MYO7B: variants seen among roughly 807,000 people sequenced by gnomAD.
MYO7B encodes unconventional myosin-VIIb.
MYO7B carries 212 observed loss-of-function variants against 259.7 expected under a neutral mutation model. The observed-to-expected ratio is 0.82, with a 90% CI of 0.73 to 0.91. The LOEUF (loss-of-function observed/expected upper bound fraction) is 0.91. MYO7B is among the 40% of genes least tolerant of loss of function. The pLI, the probability that MYO7B is intolerant of heterozygous loss-of-function variation, is 0.00. For missense variants in MYO7B, 2,732 were observed against 2,813.5 expected, an observed-to-expected ratio of 0.97 and a Z score of 0.66; for synonymous variants, 1,197 against 1,166.4, an observed-to-expected ratio of 1.03 and a Z score of -0.54.
chr2:127,620,129 A>G, intron 26 of MYO7B: 1 of 432,708 alleles, frequency 2.3e-6, no homozygotes, highest in South Asian at 6.3e-5. Flanking sequence ...AAGGACCGAG[A>G]GCACAGGCCA....
chr2:127,572,343 C>G (rs1678672368), intron 6 of MYO7B, among the ~76,000 whole-genome samples: 1 of 147,842 alleles, frequency 6.8e-6, no homozygotes, highest in Admixed American at 6.9e-5. Context: ...CGCTTGAACG[C>G]AGGAGGCAAA....
chr2:127,566,363 T>C lies in MYO7B; in HGVS notation c.286-280T>C, dbSNP rs56005306. Among the ~76,000 whole-genome samples, 780 of 152,328 alleles carry C rather than the reference T, an allele frequency of 5.1e-3. 9 individuals carry two copies. Among genetic ancestry groups the C allele is most frequent in the African/African-American group, 0.018 (738 of 41,560 alleles). Reference sequence around the variant, plus strand: ...CTTAGTCCATTTTTATCGAGCCCCTTCTAAATACCAGGCAGGGTACAAAAC... The same window carrying C: ...CTTAGTCCATTTTTATCGAGCCCCTCCTAAATACCAGGCAGGGTACAAAAC... On this transcript the variant is annotated intron_variant, in intron 4 of 47. Coordinates refer to ENST00000409816, the MANE Select transcript of MYO7B (RefSeq NM_001393586.1).
At chr2:127,634,466 A>G in intron 41 of MYO7B, 130 bp from the exon 42 acceptor site, 7 of 909,314 alleles carry the variant, frequency 7.7e-6, no homozygotes, top group Non-Finnish European at 1.2e-5. Flanking sequence ...CCACACGCCA[A>G]TAGCCCACGC....
Position 127,585,835 on chromosome 2 carries a change from C to T in MYO7B, c.1690+922C>T, listed in dbSNP as rs1161946681. Among the ~76,000 whole-genome samples, 1 of 152,182 alleles carries T rather than the reference C, an allele frequency of 6.6e-6. No individual in the cohort carries two copies. The highest frequency in any genetic ancestry group is 2.4e-5 in the African/African-American group (1 of 41,420). On this transcript the variant is annotated intron_variant, in intron 14 of 47. Coordinates refer to ENST00000409816, the MANE Select transcript of MYO7B (RefSeq NM_001393586.1). The surrounding 1 kb of genome is among the most constrained non-coding windows in gnomAD (Gnocchi z 4.3). ...TCCCCCGATGGCTAATGATGTTGAT[C>T]GCCTTTTCATATGCTTCTTGGCCAT...
intron 19 of MYO7B, among the ~76,000 whole-genome samples, chr2:127,605,563 C>T (rs1312188887): frequency 6.6e-6 from 1 of 152,178 alleles, no homozygotes; most frequent in Non-Finnish European, 1.5e-5. Context: ...TGCCATTGCA[C>T]TCCAGCCTGA....
rs867176618 is a variant in MYO7B, at chr2:127,585,771, C to T, written c.1690+858C>T. On this transcript the variant is annotated intron_variant, in intron 14 of 47. Coordinates refer to ENST00000409816, the MANE Select transcript of MYO7B (RefSeq NM_001393586.1). The surrounding 1 kb of genome is among the most constrained non-coding windows in gnomAD (Gnocchi z 4.3). ...TGTCTGTCTTTGTTATTATAGCTAC[C>T]CTAGTGGGTTTGAAGTCTCAATGTG... Among the ~76,000 whole-genome samples, 4 of 152,282 alleles carry T rather than the reference C, an allele frequency of 2.6e-5. No individual in the cohort carries two copies. The Middle Eastern group carries it at 0.014, about 518-fold the overall frequency.
In MYO7B at chr2:127,596,541, G is replaced by A. The variant is rs561780781; in HGVS notation, c.2324G>A (p.Arg775Gln). 24 of 1,612,224 alleles carry A rather than the reference G, an allele frequency of 1.5e-5. No individual in the cohort carries two copies. Among genetic ancestry groups the A allele is most frequent in the East Asian group, 1.3e-4 (6 of 44,848 alleles). Residue 775 changes from arginine to glutamine, a missense_variant, in exon 19 of 48, where the codon CGG becomes CAG. Arg to Gln is a conservative substitution (Grantham distance 43, BLOSUM62 1). Coordinates refer to ENST00000409816, the MANE Select transcript of MYO7B (RefSeq NM_001393586.1). ...GCGCTCAGCATCCAGAAAGTCCTTC[G>A]GGGCTACAGATACAGGTGCCGGCCC... Reference protein sequence around the residue: ...RAALSIQKVLRGYRYRKEFLR... With the variant: ...RAALSIQKVLQGYRYRKEFLR...
chr2:127,608,553 A>G (rs149266981), intron 21 of MYO7B, among the ~76,000 whole-genome samples, 155 bp from the exon 22 acceptor site: 1 of 152,342 alleles, frequency 6.6e-6, no homozygotes, highest in African/African-American at 2.4e-5. Flanking sequence ...AGCTGTTAAA[A>G]TCTACTGTTT....
At position 127,559,658 on chromosome 2, in the gene MYO7B, G is replaced by T; in HGVS notation, c.-23-42G>T. ...CTGTGCTCCAGGGGCTCCTATTGGG[G>T]CTGTGTATGGAGCTGACGTTCTGCT... On this transcript the variant is annotated intron_variant, in intron 1 of 47. Coordinates refer to ENST00000409816, the MANE Select transcript of MYO7B (RefSeq NM_001393586.1). The surrounding 1 kb of genome is among the most constrained non-coding windows in gnomAD (Gnocchi z 4.1). 6.3e-7 allele frequency: 1 copy of T among 1,599,006 alleles called. No homozygotes were observed. The highest frequency in any genetic ancestry group is 8.6e-7 in the Non-Finnish European group (1 of 1,166,382).
intron 1 of MYO7B, among the ~76,000 whole-genome samples, chr2:127,537,644 A>G (rs1196895696): frequency 2.0e-5 from 3 of 151,982 alleles, no homozygotes; most frequent in African/African-American, 7.3e-5. Context: ...GGGAGACTCC[A>G]TCTCTATAGA....
intron 36 of MYO7B, 134 bp downstream of exon 36, chr2:127,631,042 T>C (rs1681469888): frequency 2.2e-6 from 3 of 1,354,704 alleles, no homozygotes; most frequent in Non-Finnish European, 2.0e-6. Context: ...ACGCCACCCA[T>C]GTGGAGCCTG....
chr2:127,599,503 G>A (rs913850664), intron 19 of MYO7B, among the ~76,000 whole-genome samples: 9 of 151,932 alleles, frequency 5.9e-5, no homozygotes, highest in Non-Finnish European at 7.4e-5. Context: ...TTTCCAATCC[G>A]TATGTCTTTT....
In MYO7B at chr2:127,565,384, A is replaced by G; in HGVS notation, c.284A>G (p.Tyr95Cys). 6.2e-7 allele frequency: 1 copy of G among 1,613,986 alleles called. No individual in the cohort carries two copies. Among genetic ancestry groups the G allele is most frequent in the Non-Finnish European group, 8.5e-7 (1 of 1,179,856 alleles). The change falls in exon 4 of 48, where the codon TAT becomes TGT. Residue 95 changes from tyrosine (Y) to cysteine (C), a missense_variant and splice_region_variant. By Grantham distance (194) the Tyr-to-Cys change is radical. This residue lies in a region of MYO7B where 1,906 missense variants were observed against 2,026.4 expected (regional missense o/e 0.94). Coordinates refer to ENST00000409816, the MANE Select transcript of MYO7B (RefSeq NM_001393586.1). The stretch of plus-strand genomic sequence containing the variant: ...ATCCGCTACCAGCAGCACAAGATCT[A>G]TGTGAGTCTCCCCAGCCCTGTGTCC... ...LLIRYQQHKI[Y>C]TYTGSILVAV...
In MYO7B at chr2:127,628,561, G is replaced by A; in HGVS notation, c.4624+26G>A. ...GTGCCAGACTGGGTGGGGTGGGGTG[G>A]GGTGGGGTGGGGTGGGGGAGGGCCG... is the stretch of plus-strand genomic sequence containing the variant. On this transcript the variant is annotated intron_variant, in intron 34 of 47. Coordinates refer to ENST00000409816, the MANE Select transcript of MYO7B (RefSeq NM_001393586.1). The surrounding 1 kb of genome is among the most constrained non-coding windows in gnomAD (Gnocchi z 4.8). 1 of 1,259,642 alleles carries A rather than the reference G, an allele frequency of 7.9e-7. No individual in the cohort carries two copies. The highest frequency in any genetic ancestry group is 2.6e-5 in the East Asian group (1 of 37,850). 78.0% of individuals were successfully genotyped at this position (1,259,642 alleles called of 1,614,324 possible).
intron 16 of MYO7B, 32 bp from the exon 17 acceptor site, chr2:127,592,762 G>T: frequency 3.8e-6 from 6 of 1,593,624 alleles, no homozygotes; most frequent in Non-Finnish European, 5.1e-6. Context: ...AGTGGGGCTT[G>T]CGCTGGGTCA....
At chr2:127,544,156 A>T (rs1693123997) in intron 1 of MYO7B, among the ~76,000 whole-genome samples, 1 of 152,080 alleles carries the variant, frequency 6.6e-6, no homozygotes. Context: ...AGCTCACTAC[A>T]GCCTCGAACT....
chr2:127,617,486 G>T (rs994286971), intron 26 of MYO7B, among the ~76,000 whole-genome samples: 8 of 107,830 alleles, frequency 7.4e-5, no homozygotes, highest in African/African-American at 2.9e-4. Context: ...CTTGTAACGG[G>T]GTTTTTTTTT....
At chr2:127,625,301 G>T in intron 30 of MYO7B, 67 bp from the exon 31 acceptor site, 1 of 1,438,072 alleles carries the variant, frequency 7.0e-7, no homozygotes. Flanking sequence ...CGGGACAGGG[G>T]CATCCTGGGG....
chr2:127,537,437 T>G (rs1305189794), intron 1 of MYO7B, among the ~76,000 whole-genome samples: 1 of 152,206 alleles, frequency 6.6e-6, no homozygotes, highest in East Asian at 1.9e-4. Flanking sequence ...ACTTAACACA[T>G]GTATTTAAAT....
Sources: allele counts gnomAD v4.1 joint callset (sites outside exome capture counted in the v4.1 genomes callset), GRCh38; gene constraint gnomAD v4.1.1; regional missense constraint gnomAD v4.1.1; non-coding constraint Gnocchi (gnomAD v3.1); transcripts MANE v1.5; gene names NCBI Gene and HGNC (gene_info 2026-07-23, HGNC 2026-07-21).